PRKN: variants seen among roughly 807,000 people sequenced by gnomAD.
The protein encoded by PRKN is parkin RBR E3 ubiquitin protein ligase.
Under a neutral mutation model 59.5 loss-of-function variants are expected in PRKN, and 56 were observed. The ratio of observed to expected loss-of-function variants is 0.94; its 90% CI spans 0.76 to 1.18. The LOEUF is 1.18. Ranked by LOEUF, PRKN falls within the 50% of genes most tolerant of loss-of-function variation. The pLI is 0.00. For missense variants in PRKN, 657 were observed against 596.4 expected (o/e 1.10, Z -1.06); for synonymous variants, 250 against 222.1 (o/e 1.13, Z -1.12).
At chr6:161,919,265 G>A (rs1457735446) in intron 6 of PRKN, among the ~76,000 whole-genome samples, 2 of 152,128 alleles carry the variant, frequency 1.3e-5, no homozygotes, top group South Asian at 2.1e-4. Flanking sequence ...AGATTACATA[G>A]CATTTGATTC....
At chr6:162,453,086 C>T (rs1790701769) in intron 1 of PRKN, among the ~76,000 whole-genome samples, 1 of 152,148 alleles carries the variant, frequency 6.6e-6, no homozygotes, top group Non-Finnish European at 1.5e-5. Context: ...CTCCTTCCCT[C>T]CTTGAGGTGG....
At chr6:162,378,933 G>A (rs1786275758) in intron 2 of PRKN, among the ~76,000 whole-genome samples, 1 of 152,168 alleles carries the variant, frequency 6.6e-6, no homozygotes, top group East Asian at 1.9e-4. Context: ...GAGGTGCCAT[G>A]ATTTATTTAA....
intron 1 of PRKN, among the ~76,000 whole-genome samples, chr6:162,664,188 C>A (rs943134224): frequency 2.0e-5 from 3 of 152,106 alleles, no homozygotes; most frequent in African/African-American, 4.8e-5. Flanking sequence ...ATGATGGCTT[C>A]CAGCTTCATC....
At chr6:162,550,179 T>C (rs1000392682) in intron 1 of PRKN, among the ~76,000 whole-genome samples, 3 of 152,190 alleles carry the variant, frequency 2.0e-5, no homozygotes, top group Admixed American at 6.5e-5. Flanking sequence ...ATAATGAGTA[T>C]GTAGCTAAAA....
intron 2 of PRKN, among the ~76,000 whole-genome samples, chr6:162,316,108 T>C (rs1322641292): frequency 6.6e-6 from 1 of 151,940 alleles, no homozygotes; most frequent in Non-Finnish European, 1.5e-5. Context: ...GGCTGGACAG[T>C]TCTGCAAAAG....
chr6:162,637,321 C>T (rs990980723), intron 1 of PRKN, among the ~76,000 whole-genome samples: 2 of 134,188 alleles, frequency 1.5e-5, no homozygotes, highest in Non-Finnish European at 1.5e-5. Flanking sequence ...TAGAGACATC[C>T]ACCATCAGAT....
intron 3 of PRKN, among the ~76,000 whole-genome samples, chr6:162,218,549 G>C (rs376214672): frequency 1.3e-5 from 2 of 152,106 alleles, no homozygotes; most frequent in African/African-American, 4.8e-5. Context: ...TTATTTATTC[G>C]TTTATTAGTT....
At chr6:162,332,848 T>C (rs909349793) in intron 2 of PRKN, among the ~76,000 whole-genome samples, 2 of 152,052 alleles carry the variant, frequency 1.3e-5, no homozygotes, top group Non-Finnish European at 2.9e-5. Flanking sequence ...ACACTTCCAC[T>C]GCCCCACACA....
At position 161,350,251 on chromosome 6, in the gene PRKN, C is replaced by T. The variant is rs372111562; in HGVS notation, c.1286-40G>A. The T allele has an allele frequency of 3.9e-5, 56 of 1,431,238 alleles. No individual in the cohort carries two copies. The African/African-American group carries it at 7.6e-4, about 19-fold the overall frequency. The allele number at this position is 1,431,238 out of a possible 1,614,324, so 88.7% of individuals were successfully genotyped here. ...AAACAAAGGTGTGGTGGGTTCGCAG[C>T]AAGTACCTGGAAAACACGCATTCCC... On this transcript the variant is annotated intron_variant, in intron 11 of 11. Coordinates refer to ENST00000366898, the MANE Select transcript of PRKN (RefSeq NM_004562.3).
intron 4 of PRKN, among the ~76,000 whole-genome samples, chr6:162,075,695 G>C (rs1778792866): frequency 6.6e-6 from 1 of 151,944 alleles, no homozygotes. Context: ...GAAGTAAGAA[G>C]CTGGCTAGAT....
intron 7 of PRKN, among the ~76,000 whole-genome samples, chr6:161,764,979 C>G (rs1377035757): frequency 6.6e-6 from 1 of 152,226 alleles, no homozygotes; most frequent in Non-Finnish European, 1.5e-5. Context: ...CACCAGGTTC[C>G]TTTGCAAACA....
intron 9 of PRKN, among the ~76,000 whole-genome samples, chr6:161,514,605 G>A (rs972811525): frequency 3.3e-5 from 5 of 152,142 alleles, no homozygotes; most frequent in South Asian, 2.1e-4. Flanking sequence ...TGGCTTAGGA[G>A]GGAGGTGATG....
chr6:162,322,457 A>T (rs752854106), intron 2 of PRKN, among the ~76,000 whole-genome samples: 3 of 152,294 alleles, frequency 2.0e-5, no homozygotes, highest in Non-Finnish European at 2.9e-5. Flanking sequence ...TCATGTGACA[A>T]TGCAGAGAAC....
At chr6:161,867,727 G>A (rs1458246099) in intron 6 of PRKN, among the ~76,000 whole-genome samples, 1 of 109,952 alleles carries the variant, frequency 9.1e-6, no homozygotes, top group African/African-American at 3.4e-5. Flanking sequence ...TAGCAATCAT[G>A]GGAAAAATCT....
chr6:162,213,459 G>A (rs184094473), intron 3 of PRKN, among the ~76,000 whole-genome samples: 52 of 152,288 alleles, frequency 3.4e-4, no homozygotes, highest in African/African-American at 1.2e-3. Flanking sequence ...TGGGCACAGT[G>A]GCTCATGCCT....
intron 6 of PRKN, among the ~76,000 whole-genome samples, chr6:161,914,042 G>A (rs1251476129): frequency 6.6e-5 from 10 of 152,096 alleles, no homozygotes; most frequent in South Asian, 2.1e-4. Context: ...CAAGCCACTC[G>A]GTCTATGGTA....
intron 1 of PRKN, among the ~76,000 whole-genome samples, chr6:162,466,708 C>T (rs1323777666): frequency 6.6e-6 from 1 of 151,964 alleles, no homozygotes; most frequent in East Asian, 1.9e-4. Context: ...ACATCCATTT[C>T]ACTTTTGCTT....
Position 161,647,914 on chromosome 6 carries a change from G to A in PRKN, c.872-78498C>T, listed in dbSNP as rs77737534. On this transcript the variant is annotated intron_variant, in intron 7 of 11. Transcript: ENST00000366898. ...GAGCAATAAAGGCCTAGATATTTTC[G>A]TGCTTCTGAGAAATTTAGTACGGTA... 3.9e-3 allele frequency among the ~76,000 whole-genome samples: 589 copies of A among 152,294 alleles called. 17 individuals carry two copies. The East Asian group carries it at 0.062, about 16-fold the overall frequency.
intron 7 of PRKN, among the ~76,000 whole-genome samples, chr6:161,600,835 A>C (rs1782079039): frequency 6.6e-6 from 1 of 152,110 alleles, no homozygotes; most frequent in Non-Finnish European, 1.5e-5. Flanking sequence ...GACACTATTA[A>C]AGCAGCTAAG....
Sources: allele counts gnomAD v4.1 joint callset (sites outside exome capture counted in the v4.1 genomes callset), GRCh38; gene constraint gnomAD v4.1.1; transcripts MANE v1.5; gene names NCBI Gene and HGNC (gene_info 2026-07-23, HGNC 2026-07-21).